SEPTIN10: variants seen among roughly 807,000 people sequenced by gnomAD.
SEPTIN10 encodes the protein septin-10.
A neutral mutation model predicts 54.8 loss-of-function variants in SEPTIN10; 66 were observed. The ratio of observed to expected loss-of-function variants is 1.21; its 90% CI spans 0.99 to 1.48. The LOEUF is 1.48. SEPTIN10 is among the 40% of genes most tolerant of loss of function. SEPTIN10 has a pLI of 0.00. For synonymous variants in SEPTIN10, 161 were observed against 181.0 expected (o/e 0.89, Z 0.89); for missense variants, 620 against 545.6 (o/e 1.14, Z -1.36).
intron 2 of SEPTIN10, among the ~76,000 whole-genome samples, chr2:109,590,424 C>CT (rs200844981): frequency 1.2e-4 from 18 of 146,634 alleles, no homozygotes; most frequent in East Asian, 4.0e-4. Context: ...GAGGTAAATC[C>CT]TTTTTTTTTT....
intron 5 of SEPTIN10, 137 bp downstream of exon 5, chr2:109,574,444 A>T (rs1689121485): frequency 1.0e-4 from 3 of 29,848 alleles, no homozygotes; most frequent in East Asian, 6.2e-4. Flanking sequence ...CTTTATCTCT[A>T]AAAAAAAAAA....
At chr2:109,613,436 C>T (rs932172811) in intron 1 of SEPTIN10, 2 of 308,216 alleles carry the variant, frequency 6.5e-6, no homozygotes, top group African/African-American at 4.3e-5. Flanking sequence ...CAAAAGATGA[C>T]CGCTATTCAA....
At position 109,543,941 on chromosome 2, in the gene SEPTIN10, A is replaced by C; in HGVS notation, c.*368T>G. 1.8e-6 allele frequency: 1 copy of C among 557,606 alleles called. No individual in the cohort carries two copies. The highest frequency in any genetic ancestry group is 3.1e-6 in the Non-Finnish European group (1 of 318,008). The allele number at this position is 557,606 out of a possible 1,614,324, so 34.5% of individuals were successfully genotyped here. Reference sequence around the variant, plus strand: ...ACATCCACCTTATACATATAGCCTGAAAGTAATTTATACAAAAATTTTGTG... The same window carrying C: ...ACATCCACCTTATACATATAGCCTGCAAGTAATTTATACAAAAATTTTGTG... On this transcript the variant is annotated 3_prime_UTR_variant, in exon 11 of 11. Transcript: ENST00000397712.
At chr2:109,597,963 C>G (rs920709371) in intron 1 of SEPTIN10, among the ~76,000 whole-genome samples, 2 of 152,166 alleles carry the variant, frequency 1.3e-5, no homozygotes, top group African/African-American at 2.4e-5. Flanking sequence ...TTTTCCTTAC[C>G]CTGCTGGGAA....
At chr2:109,549,234 A>G (rs534509351) in intron 9 of SEPTIN10, among the ~76,000 whole-genome samples, 1 of 152,344 alleles carries the variant, frequency 6.6e-6, no homozygotes, top group South Asian at 2.1e-4. Context: ...AAAGTCTGGA[A>G]AGGAAGCAGC....
rs558308282 is a variant in SEPTIN10 at position 109,574,916 on chromosome 2, T to A, written c.414-149A>T. On this transcript the variant is annotated intron_variant, in intron 4 of 10. Transcript: ENST00000397712. Reference sequence around the variant, plus strand: ...CAGATTAACTTTAGTGATAAAAAAATGTGCAGAACATGCGCAAAAGCTATA... The same window carrying A: ...CAGATTAACTTTAGTGATAAAAAAAAGTGCAGAACATGCGCAAAAGCTATA... 4.8e-5 allele frequency: 23 copies of A among 478,580 alleles called. No individual in the cohort carries two copies. The South Asian group carries it at 1.5e-3, about 32-fold the overall frequency. 29.6% of individuals were successfully genotyped at this position (478,580 alleles called of 1,614,324 possible).
At chr2:109,595,975 C>T (rs1048092773) in intron 1 of SEPTIN10, among the ~76,000 whole-genome samples, 2 of 152,200 alleles carry the variant, frequency 1.3e-5, no homozygotes, top group Non-Finnish European at 2.9e-5. Flanking sequence ...ATGCACAACA[C>T]ATATAATTCA....
chr2:109,608,316 C>T (rs1698468470), intron 1 of SEPTIN10, among the ~76,000 whole-genome samples: 1 of 152,168 alleles, frequency 6.6e-6, no homozygotes, highest in Non-Finnish European at 1.5e-5. Flanking sequence ...CATCAATATA[C>T]TCCCTACCTA....
intron 10 of SEPTIN10, 75 bp from the exon 11 acceptor site, chr2:109,544,399 G>A: frequency 6.6e-7 from 1 of 1,521,306 alleles, no homozygotes; most frequent in Non-Finnish European, 8.7e-7. Flanking sequence ...CATGCATCTA[G>A]TATATTATAG....
intron 1 of SEPTIN10, among the ~76,000 whole-genome samples, chr2:109,602,303 T>C (rs1696764856): frequency 6.9e-6 from 1 of 145,692 alleles, no homozygotes; most frequent in African/African-American, 2.7e-5. Flanking sequence ...TTAAGGACAA[T>C]AAAATTAAGA....
intron 8 of SEPTIN10, among the ~76,000 whole-genome samples, chr2:109,556,761 A>C (rs922544755): frequency 2.0e-5 from 3 of 152,144 alleles, no homozygotes; most frequent in Non-Finnish European, 4.4e-5. Context: ...TTTAAAGACA[A>C]GCTTGATGTA....
At chr2:109,555,712 C>T (rs1684205403) in intron 8 of SEPTIN10, among the ~76,000 whole-genome samples, 1 of 152,200 alleles carries the variant, frequency 6.6e-6, no homozygotes, top group Admixed American at 6.5e-5. Flanking sequence ...AATTACGCAG[C>T]TGACCAATCG....
intron 9 of SEPTIN10, among the ~76,000 whole-genome samples, chr2:109,550,498 G>A (rs976588290): frequency 6.6e-6 from 1 of 151,900 alleles, no homozygotes; most frequent in Non-Finnish European, 1.5e-5. Flanking sequence ...ATTTTTAGTA[G>A]AGATGGGGTT....
chr2:109,563,013 T>C (rs961654048), intron 8 of SEPTIN10, among the ~76,000 whole-genome samples: 40 of 151,988 alleles, frequency 2.6e-4, no homozygotes, highest in African/African-American at 8.0e-4. Context: ...CAGGTTCAAG[T>C]GATTCTCCTA....
At chr2:109,569,570 TTC>T (rs1196717572) in intron 5 of SEPTIN10, among the ~76,000 whole-genome samples, 5 of 152,160 alleles carry the variant, frequency 3.3e-5, no homozygotes, top group African/African-American at 7.2e-5. Context: ...GAGAAATTTT[TTC>T]TGTCTATGAA....
intron 2 of SEPTIN10, among the ~76,000 whole-genome samples, chr2:109,587,453 G>C (rs1344514888): frequency 3.3e-5 from 5 of 152,032 alleles, no homozygotes; most frequent in African/African-American, 4.8e-5. Context: ...GTGAAAGTGG[G>C]GGGTAGGAGG....
chr2:109,610,103 T>G (rs1282677430), intron 1 of SEPTIN10, among the ~76,000 whole-genome samples: 1 of 151,742 alleles, frequency 6.6e-6, no homozygotes, highest in Non-Finnish European at 1.5e-5. Flanking sequence ...GTGTTTTTTT[T>G]TTTTTAGACA....
At chr2:109,588,782 T>C (rs1693208724) in intron 2 of SEPTIN10, among the ~76,000 whole-genome samples, 1 of 148,628 alleles carries the variant, frequency 6.7e-6, no homozygotes, top group Non-Finnish European at 1.5e-5. Context: ...TGAGCCACCA[T>C]GCCAGGCTAA....
intron 7 of SEPTIN10, 53 bp downstream of exon 7, chr2:109,565,710 C>T: frequency 1.4e-6 from 2 of 1,433,552 alleles, no homozygotes; most frequent in South Asian, 2.3e-5. Flanking sequence ...TGACAGGTAG[C>T]TTTGAGATTA....
Sources: gnomAD v4.1 joint callset for allele counts (sites outside exome capture counted in the v4.1 genomes callset) on GRCh38, gnomAD v4.1.1 for gene constraint, MANE v1.5 for transcripts, NCBI Gene and HGNC (gene_info 2026-07-23, HGNC 2026-07-21) for gene names.